The following DENND11 variants were observed in gnomAD, a reference collection of about 807,000 sequenced individuals.
The protein encoded by DENND11 is DENN domain containing 11, also known as DENN domain-containing protein 11.
In DENND11, 34 loss-of-function variants were observed where a neutral mutation model predicts 49.2. The ratio of observed to expected loss-of-function variants is 0.69; its 90% CI spans 0.53 to 0.92. The LOEUF is 0.92. Ranked by LOEUF, DENND11 falls within the 40% of genes least tolerant of loss-of-function variation. The pLI is 0.00. For missense variants in DENND11, 475 were observed against 581.6 expected (o/e 0.82, Z 1.88); for synonymous variants, 238 against 230.3 (o/e 1.03, Z -0.30).
intron 1 of DENND11, among the ~76,000 whole-genome samples, chr7:141,697,301 G>T (rs770708985): frequency 6.6e-6 from 1 of 152,180 alleles, no homozygotes; most frequent in Non-Finnish European, 1.5e-5. Context: ...CAATTTTCAA[G>T]AGAAGAAACT....
At position 141,702,042 on chromosome 7, in the gene DENND11, C is replaced by A; in HGVS notation, c.112G>T (p.Gly38Trp). The A allele has an allele frequency of 1.0e-6, 1 of 1,003,048 alleles. No individual in the cohort carries two copies. Among genetic ancestry groups the A allele is most frequent in the Non-Finnish European group, 1.2e-6 (1 of 843,060 alleles). 62.1% of individuals were successfully genotyped at this position (1,003,048 alleles called of 1,614,324 possible). The change falls in exon 1 of 9, where the codon GGG becomes TGG. Residue 38 changes from glycine to tryptophan, a missense_variant. Gly to Trp is a radical substitution (Grantham distance 184). Coordinates refer to ENST00000536163, the MANE Select transcript of DENND11 (RefSeq NM_001080392.2). ...QAGGWGRGGGGGARPAAEPPR... is the reference protein window; with the variant it reads ...QAGGWGRGGGWGARPAAEPPR... The stretch of plus-strand genomic sequence containing the variant: ...GGCTCCGCGGCCGGCCGGGCGCCCC[C>A]GCCGCCGCCCCGGCCCCAGCCTCCC...
intron 5 of DENND11, 130 bp from the exon 6 acceptor site, chr7:141,665,448 G>A (rs1797879510): frequency 6.3e-6 from 8 of 1,260,252 alleles, no homozygotes; most frequent in Non-Finnish European, 1.1e-6. Flanking sequence ...CTGGCGTTCT[G>A]AGGAGACTGG....
At position 141,658,095 on chromosome 7, in the gene DENND11, T is replaced by C. The variant is rs1006895131; in HGVS notation, c.*4561A>G. On this transcript the variant is annotated 3_prime_UTR_variant, in exon 9 of 9. Coordinates refer to ENST00000536163, the MANE Select transcript of DENND11 (RefSeq NM_001080392.2). Reference sequence around the variant, plus strand: ...TACATAGTAAAACTTCTATGGGGTCTCAGCCACCACCAAATTACAAAACTG... The same window carrying C: ...TACATAGTAAAACTTCTATGGGGTCCCAGCCACCACCAAATTACAAAACTG... The C allele has an allele frequency of 6.6e-6, 1 of 152,238 alleles. No individual in the cohort carries two copies. The highest frequency in any genetic ancestry group is 2.4e-5 in the African/African-American group (1 of 41,462). 9.4% of individuals were successfully genotyped at this position (152,238 alleles called of 1,614,324 possible). A position where few individuals can be genotyped will look rare whatever the true frequency, so the allele number is the denominator to read the frequency against.
In DENND11 at chr7:141,697,299, A is replaced by G. The variant is rs969621021; in HGVS notation, c.268+4587T>C. ...TTTTATTTTCCCCTCCTCAATTTTC[A>G]AGAGAAGAAACTGACTTCACAGCAG... On this transcript the variant is annotated intron_variant, in intron 1 of 8. Transcript: ENST00000536163. 7.2e-5 allele frequency among the ~76,000 whole-genome samples: 11 copies of G among 152,188 alleles called. 1 individual carries two copies. Among genetic ancestry groups the G allele is most frequent in the Non-Finnish European group, 1.5e-4 (10 of 68,034 alleles).
chr7:141,662,842 T>TAGGAAAAACCTGCATTTGGA lies in DENND11; in HGVS notation c.1173-11_1181dup (p.Glu395ProfsTer7), dbSNP rs752443749. On this transcript the variant is annotated frameshift_variant, in exon 9 of 9. Coordinates refer to ENST00000536163, the MANE Select transcript of DENND11 (RefSeq NM_001080392.2). LOFTEE classifies it high-confidence loss of function. ...TCTGAAATATCCGGTTGTTTTGTTC[T>TAGGAAAAACCTGCATTTGGA]AGGAAAAACCTGCATTTGGAAGACA... is the stretch of plus-strand genomic sequence containing the variant. 2.8e-5 allele frequency: 44 copies of TAGGAAAAACCTGCATTTGGA among 1,549,492 alleles called. No individual in the cohort carries two copies. Among genetic ancestry groups the TAGGAAAAACCTGCATTTGGA allele is most frequent in the Non-Finnish European group, 3.5e-6 (4 of 1,147,672 alleles).
chr7:141,666,192 C>A, intron 5 of DENND11, 95 bp downstream of exon 5: 1 of 1,384,104 alleles, frequency 7.2e-7, no homozygotes. Flanking sequence ...CTGGATGTGG[C>A]CCAAGCTCTT....
At chr7:141,662,885 C>CGGAGG (rs1797823685) in intron 8 of DENND11, 34 bp from the exon 9 acceptor site, 2 of 1,466,166 alleles carry the variant, frequency 1.4e-6, no homozygotes, top group African/African-American at 2.9e-5. Flanking sequence ...GGAAAGGAAG[C>CGGAGG]GGGGGGGAAT....
At chr7:141,696,174 T>C (rs1280352307) in intron 1 of DENND11, among the ~76,000 whole-genome samples, 1 of 152,202 alleles carries the variant, frequency 6.6e-6, no homozygotes, top group African/African-American at 2.4e-5. Flanking sequence ...GACAGCTCTG[T>C]GCACCAGGGC....
At chr7:141,679,095 A>T (rs1297772345) in intron 3 of DENND11, among the ~76,000 whole-genome samples, 1 of 152,222 alleles carries the variant, frequency 6.6e-6, no homozygotes, top group Non-Finnish European at 1.5e-5. Flanking sequence ...AGACTAGTGA[A>T]TTTATGTAAA....
chr7:141,681,063 T>A (rs1437823174), intron 3 of DENND11, among the ~76,000 whole-genome samples: 1 of 152,116 alleles, frequency 6.6e-6, no homozygotes, highest in Admixed American at 6.5e-5. Context: ...AGAAAATAGA[T>A]ATTGCAGACT....
intron 3 of DENND11, 127 bp downstream of exon 3, chr7:141,685,351 T>C (rs1798221724): frequency 8.4e-7 from 1 of 1,196,722 alleles, no homozygotes; most frequent in African/African-American, 1.5e-5. Flanking sequence ...GCGTGAAACA[T>C]CGCCATGGAT....
intron 4 of DENND11, 105 bp downstream of exon 4, chr7:141,673,962 G>T: frequency 7.4e-7 from 1 of 1,342,700 alleles, no homozygotes; most frequent in Non-Finnish European, 1.0e-6. Flanking sequence ...TAGACATTTT[G>T]TATGATCCAA....
chr7:141,696,108 C>T (rs1409629397), intron 1 of DENND11, among the ~76,000 whole-genome samples: 1 of 152,214 alleles, frequency 6.6e-6, no homozygotes, highest in African/African-American at 2.4e-5. Flanking sequence ...TCGCGCCTGG[C>T]TGAGGATGTA....
At chr7:141,688,267 T>G (rs1798275306) in intron 1 of DENND11, among the ~76,000 whole-genome samples, 1 of 152,194 alleles carries the variant, frequency 6.6e-6, no homozygotes, top group Non-Finnish European at 1.5e-5. Flanking sequence ...ACAAACTTCT[T>G]ATTAACACTC....
chr7:141,685,723 G>A (rs1798229709), intron 2 of DENND11, 87 bp from the exon 3 acceptor site: 16 of 1,418,964 alleles, frequency 1.1e-5, no homozygotes, highest in Admixed American at 2.0e-5. Flanking sequence ...AACTGTGTTC[G>A]GGGCTGTCAA....
chr7:141,686,530 G>A (rs762364217), intron 2 of DENND11, 29 bp downstream of exon 2: 22 of 1,422,772 alleles, frequency 1.5e-5, no homozygotes, highest in South Asian at 2.4e-5. Context: ...GGAATGGTAC[G>A]AAGATGACTC....
At chr7:141,686,229 C>T (rs970615072) in intron 2 of DENND11, among the ~76,000 whole-genome samples, 22 of 152,210 alleles carry the variant, frequency 1.4e-4, no homozygotes, top group Admixed American at 1.3e-3. Context: ...AGGTTGAACA[C>T]ATAGATATCC....
chr7:141,669,784 C>G (rs1468062211), intron 4 of DENND11, among the ~76,000 whole-genome samples: 1 of 149,108 alleles, frequency 6.7e-6, no homozygotes, highest in Non-Finnish European at 1.5e-5. Context: ...CCATCCATGA[C>G]AAGTATTATT....
intron 1 of DENND11, among the ~76,000 whole-genome samples, chr7:141,689,634 C>T (rs1455091385): frequency 6.6e-6 from 1 of 151,776 alleles, no homozygotes; most frequent in Non-Finnish European, 1.5e-5. Flanking sequence ...CAAAGTACAA[C>T]TCAATGGATT....
Sources: gnomAD v4.1 joint callset for allele counts (sites outside exome capture counted in the v4.1 genomes callset) on GRCh38, gnomAD v4.1.1 for gene constraint, MANE v1.5 for transcripts, NCBI Gene and HGNC (gene_info 2026-07-23, HGNC 2026-07-21) for gene names.